The following SEPTIN14 variants were observed in gnomAD, a reference collection of about 807,000 sequenced individuals.
SEPTIN14 encodes the protein septin-14.
Under a neutral mutation model 53.6 loss-of-function variants are expected in SEPTIN14, and 40 were observed. The observed-to-expected ratio is 0.75, with a 90% confidence interval of 0.58 to 0.97. The LOEUF (loss-of-function observed/expected upper bound fraction) is 0.97, where lower values mean the gene tolerates loss of function less well. SEPTIN14 is among the 50% of genes least tolerant of loss of function. The pLI, the probability that SEPTIN14 is intolerant of heterozygous loss-of-function variation, is 0.00. For synonymous variants in SEPTIN14, 138 were observed against 166.8 expected, an observed-to-expected ratio of 0.83 and a Z score of 1.33; for missense variants, 471 against 508.2, an observed-to-expected ratio of 0.93 and a Z score of 0.70.
chr7:55,810,682 T>G (rs1156460358), intron 7 of SEPTIN14: 1 of 154,334 alleles, frequency 6.5e-6, no homozygotes, highest in Non-Finnish European at 1.4e-5. Context: ...TTTCACCATG[T>G]TGGTCAGGCT....
intron 5 of SEPTIN14, 29 bp downstream of exon 5, chr7:55,842,913 A>G (rs1329958735): frequency 5.6e-6 from 8 of 1,432,624 alleles, no homozygotes; most frequent in African/African-American, 2.9e-5. Flanking sequence ...GTCTCAAAAA[A>G]AAAAAGATGG....
intron 6 of SEPTIN14, among the ~76,000 whole-genome samples, chr7:55,820,667 T>C (rs1788876507): frequency 6.6e-6 from 1 of 152,168 alleles, no homozygotes; most frequent in South Asian, 2.1e-4. Context: ...CGGCTGGGCA[T>C]GGTGGCTCAT....
intron 6 of SEPTIN14, among the ~76,000 whole-genome samples, chr7:55,825,117 G>A (rs1015975726): frequency 1.3e-5 from 2 of 152,050 alleles, no homozygotes; most frequent in African/African-American, 4.8e-5. Flanking sequence ...ATCAGTGAGT[G>A]GATAAACAAA....
intron 5 of SEPTIN14, among the ~76,000 whole-genome samples, 186 bp downstream of exon 5, chr7:55,842,756 C>CA (rs979805199): frequency 4.0e-5 from 6 of 151,896 alleles, no homozygotes; most frequent in Admixed American, 2.6e-4. Context: ...ACTAAAAATA[C>CA]AAAAAAATTA....
At chr7:55,841,198 C>T (rs1297488550) in intron 5 of SEPTIN14, among the ~76,000 whole-genome samples, 1 of 152,010 alleles carries the variant, frequency 6.6e-6, no homozygotes, top group African/African-American at 2.4e-5. Context: ...CGTGAGCCTC[C>T]GCACCTGGCT....
chr7:55,813,510 C>A (rs1187348462), intron 7 of SEPTIN14, among the ~76,000 whole-genome samples: 1 of 152,164 alleles, frequency 6.6e-6, no homozygotes, highest in East Asian at 1.9e-4. Context: ...TTGTATCACA[C>A]CTCCCCCAAC....
chr7:55,844,472 A>T, intron 4 of SEPTIN14, 51 bp downstream of exon 4: 1 of 1,079,096 alleles, frequency 9.3e-7, no homozygotes, highest in Non-Finnish European at 1.3e-6. Flanking sequence ...AAGGAAGTCA[A>T]ATTCCTTGAA....
intron 9 of SEPTIN14, 140 bp from the exon 10 acceptor site, chr7:55,796,232 A>C: frequency 1.6e-6 from 1 of 634,312 alleles, no homozygotes. Flanking sequence ...AAAACTCAGG[A>C]GTAAACACTG....
intron 7 of SEPTIN14, chr7:55,811,392 C>T: frequency 2.0e-6 from 1 of 489,826 alleles, no homozygotes; most frequent in Non-Finnish European, 4.2e-6. Flanking sequence ...CACCCAACTA[C>T]TGCCCTTTCT....
Position 55,861,810 on chromosome 7 carries a change from T to C in SEPTIN14, c.54+133A>G, listed in dbSNP as rs185637278. On this transcript the variant is annotated intron_variant, in intron 2 of 9. Transcript: ENST00000388975. Reference sequence around the variant, plus strand: ...TTAAAACTCCAATTAGTATAAAAGCTAATTCATGCCCAAACATAACAAACA... The same window carrying C: ...TTAAAACTCCAATTAGTATAAAAGCCAATTCATGCCCAAACATAACAAACA... The C allele has an allele frequency of 3.6e-3, 1,987 of 549,066 alleles. 15 individuals carry two copies. The highest frequency in any genetic ancestry group is 3.8e-3 in the Non-Finnish European group (1,253 of 325,546). The allele number at this position is 549,066 out of a possible 1,614,324, so 34.0% of individuals were successfully genotyped here.
intron 2 of SEPTIN14, 70 bp downstream of exon 2, chr7:55,861,873 C>T: frequency 2.1e-6 from 2 of 968,462 alleles, no homozygotes; most frequent in East Asian, 5.7e-5. Flanking sequence ...TTTTCCAAGT[C>T]AATATTTTTA....
In SEPTIN14 at chr7:55,831,520, TC is replaced by T. The variant is rs200306205; in HGVS notation, c.720+2904del. Among the ~76,000 whole-genome samples, 1,249 of 152,158 alleles carry T rather than the reference TC, an allele frequency of 8.2e-3. 8 individuals carry two copies. Among genetic ancestry groups the T allele is most frequent in the South Asian group, 0.034 (164 of 4,824 alleles). On this transcript the variant is annotated intron_variant, in intron 6 of 9. Transcript: ENST00000388975. The stretch of plus-strand genomic sequence containing the variant: ...AATGAAAGACCAGAAGCTATAAAAA[TC>T]CTAGAAGAAAATTTAGGAAAAACTC...
intron 9 of SEPTIN14, among the ~76,000 whole-genome samples, chr7:55,797,215 T>C (rs2115942983): frequency 6.6e-6 from 1 of 151,850 alleles, no homozygotes; most frequent in Non-Finnish European, 1.5e-5. Flanking sequence ...AGAAGGAAAG[T>C]AGAGAAAGGA....
intron 1 of SEPTIN14, among the ~76,000 whole-genome samples, chr7:55,862,393 CA>C (rs1431916798): frequency 6.6e-6 from 1 of 151,836 alleles, no homozygotes; most frequent in Non-Finnish European, 1.5e-5. Context: ...AAGACACTCA[CA>C]AGCACTTAAC....
intron 6 of SEPTIN14, among the ~76,000 whole-genome samples, chr7:55,830,935 T>G (rs1022546804): frequency 2.0e-5 from 3 of 151,884 alleles, no homozygotes; most frequent in Admixed American, 2.0e-4. Context: ...TTCCAAAAAT[T>G]TATGGAATTT....
At chr7:55,800,154 GA>G (rs200942978) in intron 9 of SEPTIN14, among the ~76,000 whole-genome samples, 2 of 151,726 alleles carry the variant, frequency 1.3e-5, no homozygotes, top group African/African-American at 4.8e-5. Context: ...ATGAGTGGAT[GA>G]AAAAAAATGT....
At chr7:55,848,607 ATTTTT>A (rs34269322) in intron 2 of SEPTIN14, among the ~76,000 whole-genome samples, 1 of 110,264 alleles carries the variant, frequency 9.1e-6, no homozygotes, top group Admixed American at 9.4e-5. Context: ...ACTAACAGAG[ATTTTT>A]TTTTTTTTTT....
At chr7:55,852,245 C>T (rs4476962) in intron 2 of SEPTIN14, among the ~76,000 whole-genome samples, 86,613 of 151,826 alleles carry the variant, frequency 0.57, 25,945 homozygotes, top group African/African-American at 0.76. Context: ...ATGCTGAGTA[C>T]TCTGGGTACA....
chr7:55,857,530 A>G (rs1428282525), intron 2 of SEPTIN14, among the ~76,000 whole-genome samples: 7 of 110,964 alleles, frequency 6.3e-5, no homozygotes, highest in Admixed American at 3.6e-4. Context: ...AAAGGAAAGG[A>G]AAGGAAAGGA....
Sources: gnomAD v4.1 joint callset for allele counts (sites outside exome capture counted in the v4.1 genomes callset) on GRCh38, gnomAD v4.1.1 for gene constraint, MANE v1.5 for transcripts, NCBI Gene and HGNC (gene_info 2026-07-23, HGNC 2026-07-21) for gene names.